The following RIMBP2 variants were observed in gnomAD, a reference collection of about 807,000 sequenced individuals.
RIMBP2 encodes RIMS-binding protein 2.
A neutral mutation model predicts 118.6 loss-of-function variants in RIMBP2; 48 were observed. The ratio of observed to expected loss-of-function variants is 0.40; its 90% CI spans 0.32 to 0.51. RIMBP2 has a LOEUF of 0.51. Among genes scored for constraint, RIMBP2 ranks in the 20% least tolerant of loss-of-function variants. The pLI, the probability that RIMBP2 is intolerant of heterozygous loss-of-function variation, is 0.41. For missense variants in RIMBP2, 1,551 were observed against 1,768.3 expected, an observed-to-expected ratio of 0.88 and a Z score of 2.20; for synonymous variants, 762 against 742.9, an observed-to-expected ratio of 1.03 and a Z score of -0.42.
At chr12:130,430,594 G>A (rs867824316) in intron 14 of RIMBP2, 9 of 151,504 alleles carry the variant, frequency 5.9e-5, no homozygotes, top group East Asian at 1.9e-4. Context: ...GGGCAATGAC[G>A]GATGTACTAA....
intron 1 of RIMBP2, among the ~76,000 whole-genome samples, chr12:130,714,302 A>T (rs1483400134): frequency 1.3e-5 from 2 of 152,144 alleles, no homozygotes; most frequent in Non-Finnish European, 2.9e-5. Flanking sequence ...TTGTCTTTTC[A>T]TCTTCATGGC....
intron 2 of RIMBP2, among the ~76,000 whole-genome samples, chr12:130,573,280 T>C (rs2057826076): frequency 6.6e-6 from 1 of 152,154 alleles, no homozygotes. Context: ...ACTCGGAGCA[T>C]AGAGACGATG....
intron 1 of RIMBP2, among the ~76,000 whole-genome samples, chr12:130,699,653 C>T (rs952063599): frequency 6.6e-6 from 1 of 151,768 alleles, no homozygotes; most frequent in South Asian, 2.1e-4. Context: ...GGGTGCAGCA[C>T]ACCAACACGA....
intron 21 of RIMBP2, 63 bp from the exon 22 acceptor site, chr12:130,399,876 G>A (rs2136260666): frequency 6.4e-7 from 1 of 1,574,684 alleles, no homozygotes; most frequent in Non-Finnish European, 8.7e-7. Flanking sequence ...ATCTTGCTTT[G>A]GCTAAAGGAA....
intron 2 of RIMBP2, among the ~76,000 whole-genome samples, chr12:130,627,791 C>A (rs1365769429): frequency 1.3e-5 from 2 of 152,162 alleles, no homozygotes; most frequent in African/African-American, 4.8e-5. Context: ...CTCCAATGAC[C>A]CTCACGTCCA....
intron 7 of RIMBP2, among the ~76,000 whole-genome samples, chr12:130,453,082 G>A (rs1346828878): frequency 1.3e-5 from 2 of 152,156 alleles, no homozygotes; most frequent in Non-Finnish European, 2.9e-5. Context: ...AAAAATATAG[G>A]TCAAAAAAAT....
chr12:130,451,943 T>G (rs969547864), intron 7 of RIMBP2, among the ~76,000 whole-genome samples: 1 of 152,202 alleles, frequency 6.6e-6, no homozygotes, highest in Non-Finnish European at 1.5e-5. Context: ...AAAAAAATAC[T>G]CTTGACGAGA....
chr12:130,555,294 A>T (rs1173233772), intron 2 of RIMBP2, among the ~76,000 whole-genome samples: 1 of 152,200 alleles, frequency 6.6e-6, no homozygotes, highest in African/African-American at 2.4e-5. Context: ...TGGTAAATTT[A>T]AAAAATAATA....
intron 2 of RIMBP2, among the ~76,000 whole-genome samples, chr12:130,607,545 A>G (rs1431315441): frequency 1.3e-5 from 2 of 151,778 alleles, no homozygotes; most frequent in Non-Finnish European, 2.9e-5. Flanking sequence ...CTGCTTATTC[A>G]TGGTGCTTTG....
chr12:130,572,260 C>A, intron 2 of RIMBP2, among the ~76,000 whole-genome samples: 1 of 105,068 alleles, frequency 9.5e-6, no homozygotes, highest in East Asian at 3.3e-4. Flanking sequence ...CACGGAGGTC[C>A]CAGCTACTTG....
rs1252652358 is a variant in RIMBP2, at chr12:130,422,094, C to T, written c.3238+359G>A. Reference sequence around the variant, plus strand: ...GTGGGGCTCACAGACCCCTGAGGCACGCTGACATCCAGCTTCTGCACCTGC... The same window carrying T: ...GTGGGGCTCACAGACCCCTGAGGCATGCTGACATCCAGCTTCTGCACCTGC... On this transcript the variant is annotated intron_variant, in intron 17 of 22. Transcript: ENST00000690449. The surrounding 1 kb of genome is among the most constrained non-coding windows in gnomAD (Gnocchi z 5.2). 1.3e-5 allele frequency among the ~76,000 whole-genome samples: 2 copies of T among 152,150 alleles called. No homozygotes were observed. The highest frequency in any genetic ancestry group is 1.9e-4 in the East Asian group (1 of 5,178).
intron 2 of RIMBP2, among the ~76,000 whole-genome samples, chr12:130,625,909 C>T (rs1250870238): frequency 6.6e-6 from 1 of 152,146 alleles, no homozygotes; most frequent in Non-Finnish European, 1.5e-5. Flanking sequence ...CAACTAATAA[C>T]CCACACCACT....
chr12:130,523,211 G>T lies in RIMBP2; in HGVS notation c.-216-5294C>A, dbSNP rs1472167312. Among the ~76,000 whole-genome samples the T allele has an allele frequency of 6.6e-6, 1 of 151,958 alleles. No individual in the cohort carries two copies. Among genetic ancestry groups the T allele is most frequent in the Non-Finnish European group, 1.5e-5 (1 of 67,994 alleles). ...TCTCTATTTCTCTGTGTTGGGGGGGGTTTCTCTGCCTCCATCTCTCTCTGT... is the reference window on the plus strand; with the variant it reads ...TCTCTATTTCTCTGTGTTGGGGGGGTTTTCTCTGCCTCCATCTCTCTCTGT... On this transcript the variant is annotated intron_variant, in intron 2 of 22. Coordinates refer to ENST00000690449, the MANE Select transcript of RIMBP2 (RefSeq NM_001393629.1). The surrounding 1 kb of genome is among the most constrained non-coding windows in gnomAD (Gnocchi z 4.4).
chr12:130,523,478 A>G lies in RIMBP2; in HGVS notation c.-216-5561T>C, dbSNP rs1471881382. Reference sequence around the variant, plus strand: ...ACGAGACATGGACAGGAGCCTTCACAGTGTCTCCCGAGGCAGCTCAAGGGC... The same window carrying G: ...ACGAGACATGGACAGGAGCCTTCACGGTGTCTCCCGAGGCAGCTCAAGGGC... On this transcript the variant is annotated intron_variant, in intron 2 of 22. Transcript: ENST00000690449. The surrounding 1 kb of genome is among the most constrained non-coding windows in gnomAD (Gnocchi z 4.4). 1.3e-5 allele frequency among the ~76,000 whole-genome samples: 2 copies of G among 152,188 alleles called. No individual in the cohort carries two copies. The highest frequency in any genetic ancestry group is 2.4e-5 in the African/African-American group (1 of 41,450).
chr12:130,404,323 G>A (rs762114284), intron 21 of RIMBP2, among the ~76,000 whole-genome samples: 4 of 152,146 alleles, frequency 2.6e-5, no homozygotes, highest in Non-Finnish European at 4.4e-5. Flanking sequence ...TTTTTGAGAC[G>A]GAGTTTCACT....
Position 130,703,730 on chromosome 12 carries a change from G to C in RIMBP2, c.-352+12492C>G, listed in dbSNP as rs750212030. ...CTTAAATAAGATTCAGTTGTCATGT[G>C]TAGTATATTGGGAGTGCGTTTGAAA... is the stretch of plus-strand genomic sequence containing the variant. On this transcript the variant is annotated intron_variant, in intron 1 of 22. Coordinates refer to ENST00000690449, the MANE Select transcript of RIMBP2 (RefSeq NM_001393629.1). This position sits in a 1 kb window ranked among gnomAD's most constrained non-coding sequence, Gnocchi z 5.7. 6.6e-6 allele frequency among the ~76,000 whole-genome samples: 1 copy of C among 152,262 alleles called. No homozygotes were observed. The highest frequency in any genetic ancestry group is 2.1e-4 in the South Asian group (1 of 4,834).
chr12:130,437,521 G>C (rs914491973), intron 12 of RIMBP2, among the ~76,000 whole-genome samples: 1 of 152,198 alleles, frequency 6.6e-6, no homozygotes, highest in Non-Finnish European at 1.5e-5. Flanking sequence ...AGAGGGTTCC[G>C]TCAGGCCAGT....
chr12:130,676,739 C>T (rs1288542781), intron 1 of RIMBP2, among the ~76,000 whole-genome samples: 1 of 152,180 alleles, frequency 6.6e-6, no homozygotes, highest in Non-Finnish European at 1.5e-5. Flanking sequence ...ATGGATGAGT[C>T]TCAAATGTAC....
intron 6 of RIMBP2, among the ~76,000 whole-genome samples, chr12:130,462,266 GC>G (rs1307921827): frequency 2.0e-5 from 3 of 152,174 alleles, no homozygotes; most frequent in Admixed American, 2.0e-4. Context: ...CCCTCTGCAT[GC>G]CTACATCCAC....
Sources: gnomAD v4.1 joint callset for allele counts (sites outside exome capture counted in the v4.1 genomes callset) on GRCh38, gnomAD v4.1.1 for gene constraint, Gnocchi (gnomAD v3.1) non-coding constraint, MANE v1.5 for transcripts, NCBI Gene and HGNC (gene_info 2026-07-23, HGNC 2026-07-21) for gene names.